Variants in EXOC4 observed in about 807,000 individuals in gnomAD.
EXOC4 encodes SEC8-like 1.
A neutral mutation model predicts 107.2 loss-of-function variants in EXOC4; 71 were observed. That is an observed-to-expected ratio of 0.66 (90% CI 0.55 to 0.81). The LOEUF is 0.81. Ranked by LOEUF, EXOC4 falls within the 30% of genes least tolerant of loss-of-function variation. The pLI, the probability that EXOC4 is intolerant of heterozygous loss-of-function variation, is 0.00. For synonymous variants in EXOC4, 456 were observed against 441.2 expected, an observed-to-expected ratio of 1.03 and a Z score of -0.42; for missense variants, 1,108 against 1,189.6, an observed-to-expected ratio of 0.93 and a Z score of 1.01.
At chr7:133,378,695 C>T (rs1175060616) in intron 7 of EXOC4, among the ~76,000 whole-genome samples, 1 of 151,714 alleles carries the variant, frequency 6.6e-6, no homozygotes, top group Non-Finnish European at 1.5e-5. Flanking sequence ...CATTAAAATT[C>T]TAAGATAGAT....
rs560635129 is a variant in EXOC4 at position 133,753,004 on chromosome 7, C to T, written c.1515-64321C>T. Reference sequence around the variant, plus strand: ...TAGGCAAAGCTGGTTCATTTGTCTTCCTTTCTCTGTTATTTGATCACTTCC... The same window carrying T: ...TAGGCAAAGCTGGTTCATTTGTCTTTCTTTCTCTGTTATTTGATCACTTCC... On this transcript the variant is annotated intron_variant, in intron 10 of 17. Transcript: ENST00000253861. 2.6e-5 allele frequency among the ~76,000 whole-genome samples: 4 copies of T among 152,298 alleles called. No individual in the cohort carries two copies. The South Asian group carries it at 8.3e-4, about 32-fold the overall frequency.
Position 133,880,981 on chromosome 7 carries a change from T to C in EXOC4, c.1735-14618T>C, listed in dbSNP as rs548692969. 6.6e-5 allele frequency among the ~76,000 whole-genome samples: 10 copies of C among 152,350 alleles called. No individual in the cohort carries two copies. In the South Asian group the frequency reaches 1.9e-3, roughly 28 times the overall value. ...CCTGTTTGTAAATTCTGCCTAACTC[T>C]TTAGCCTGACAAACAGAGCTTCAGA... On this transcript the variant is annotated intron_variant, in intron 11 of 17. Transcript: ENST00000253861.
intron 3 of EXOC4, 124 bp downstream of exon 3, chr7:133,289,240 C>A: frequency 2.7e-6 from 2 of 751,206 alleles, no homozygotes; most frequent in Non-Finnish European, 4.2e-6. Context: ...TTCATGAGCC[C>A]TTGAAGGTGA....
chr7:133,584,574 G>GTTTTTTTTTTTTTTTTTTTT lies in EXOC4; in HGVS notation c.1418-45461_1418-45460insTTTTTTTTTTTTTTTTTTTT, dbSNP rs67568218. Among the ~76,000 whole-genome samples the GTTTTTTTTTTTTTTTTTTTT allele has an allele frequency of 3.5e-5, 3 of 84,814 alleles. 1 individual carries two copies. Among genetic ancestry groups the GTTTTTTTTTTTTTTTTTTTT allele is most frequent in the Admixed American group, 1.8e-4 (1 of 5,638 alleles). 55.6% of individuals were successfully genotyped at this position (84,814 alleles called of 152,430 possible). ...AGGCCTTTGTTTTTTACGTATTTCA[G>GTTTTTTTTTTTTTTTTTTTT]TTTTTTTTTTGTTTTTTTTTTTGAG... is the stretch of plus-strand genomic sequence containing the variant. On this transcript the variant is annotated intron_variant, in intron 9 of 17. Transcript: ENST00000253861.
intron 7 of EXOC4, among the ~76,000 whole-genome samples, chr7:133,438,390 C>A (rs1798024450): frequency 6.6e-6 from 1 of 152,098 alleles, no homozygotes; most frequent in African/African-American, 2.4e-5. Flanking sequence ...TTTTTCCTTG[C>A]CATCTTGATT....
rs1794742329 is a variant in EXOC4, at chr7:133,305,890, A to G, written c.485A>G (p.Glu162Gly). Residue 162 changes from glutamate to glycine, a missense_variant, in exon 4 of 18, where the codon GAG (glutamate) becomes GGG (glycine). By Grantham distance (98) the Glu-to-Gly change is moderately conservative (BLOSUM62 -2). Coordinates refer to ENST00000253861, the MANE Select transcript of EXOC4 (RefSeq NM_021807.4). Reference sequence around the variant, plus strand: ...TTCTCTTTTCAGGTGTCAGCAGTTGAGTCTTTGGAGGGCCCCCTGCTCCAG... The same window carrying G: ...TTCTCTTTTCAGGTGTCAGCAGTTGGGTCTTTGGAGGGCCCCCTGCTCCAG... ...SATDMLVSAV[E>G]SLEGPLLQVE... 2.5e-6 allele frequency: 4 copies of G among 1,603,874 alleles called. No homozygotes were observed. Among genetic ancestry groups the G allele is most frequent in the African/African-American group, 2.7e-5 (2 of 74,438 alleles).
At chr7:133,544,397 C>T (rs1800439516) in intron 9 of EXOC4, among the ~76,000 whole-genome samples, 1 of 152,046 alleles carries the variant, frequency 6.6e-6, no homozygotes, top group Non-Finnish European at 1.5e-5. Context: ...TTTATAGTAA[C>T]TTCCACCATT....
At chr7:133,533,285 A>G (rs934448373) in intron 9 of EXOC4, among the ~76,000 whole-genome samples, 1 of 152,256 alleles carries the variant, frequency 6.6e-6, no homozygotes, top group South Asian at 2.1e-4. Context: ...CTGGTATATA[A>G]TATACTTCTC....
intron 1 of EXOC4, among the ~76,000 whole-genome samples, chr7:133,263,828 A>C (rs934670648): frequency 6.6e-6 from 1 of 152,134 alleles, no homozygotes; most frequent in African/African-American, 2.4e-5. Flanking sequence ...AGTATATTAC[A>C]GAAGTGCTAT....
intron 3 of EXOC4, among the ~76,000 whole-genome samples, chr7:133,297,024 G>A (rs1462769912): frequency 6.6e-6 from 1 of 152,148 alleles, no homozygotes; most frequent in African/African-American, 2.4e-5. Context: ...AAAACTTATT[G>A]TCCTTGTCTT....
At chr7:133,944,256 A>G (rs1353522741) in intron 14 of EXOC4, among the ~76,000 whole-genome samples, 4 of 152,216 alleles carry the variant, frequency 2.6e-5, no homozygotes, top group East Asian at 1.9e-4. Flanking sequence ...TATCACAGTT[A>G]TCACATATAT....
At chr7:133,896,863 C>T (rs980938595) in intron 12 of EXOC4, among the ~76,000 whole-genome samples, 1 of 74,518 alleles carries the variant, frequency 1.3e-5, no homozygotes, top group Non-Finnish European at 2.4e-5. Context: ...TGGGGTTTCA[C>T]CATGTTGGCC....
intron 7 of EXOC4, among the ~76,000 whole-genome samples, chr7:133,400,293 T>C (rs947339594): frequency 6.6e-6 from 1 of 152,232 alleles, no homozygotes; most frequent in Non-Finnish European, 1.5e-5. Context: ...TCTAATGCAA[T>C]AAGAACCTGA....
At chr7:133,818,368 C>T (rs1797426186) in intron 11 of EXOC4, among the ~76,000 whole-genome samples, 1 of 152,132 alleles carries the variant, frequency 6.6e-6, no homozygotes, top group African/African-American at 2.4e-5. Context: ...TTGAGCTTTT[C>T]AAAGAGAAGT....
chr7:134,070,704 A>T (rs1796262469), downstream of EXOC4, among the ~76,000 whole-genome samples: 1 of 152,146 alleles, frequency 6.6e-6, no homozygotes, highest in South Asian at 2.1e-4. Context: ...CTGGGAACCT[A>T]AGAACGCAAT....
At chr7:133,506,163 G>C (rs144274541) in intron 9 of EXOC4, among the ~76,000 whole-genome samples, 144 of 152,232 alleles carry the variant, frequency 9.5e-4, no homozygotes, top group African/African-American at 3.2e-3. Context: ...TAGAATACCT[G>C]AATAAATTAG....
At chr7:133,574,591 G>C (rs888372266) in intron 9 of EXOC4, among the ~76,000 whole-genome samples, 7 of 152,286 alleles carry the variant, frequency 4.6e-5, no homozygotes, top group African/African-American at 1.7e-4. Flanking sequence ...TTGCTGAGCT[G>C]CAACCACTGA....
At chr7:133,711,745 G>T in intron 10 of EXOC4, among the ~76,000 whole-genome samples, 1 of 152,156 alleles carries the variant, frequency 6.6e-6, no homozygotes, top group Middle Eastern at 3.2e-3. Context: ...AATCATTTAG[G>T]AGATTTCCTG....
At chr7:133,795,071 G>A (rs1394396682) in intron 10 of EXOC4, among the ~76,000 whole-genome samples, 3 of 151,030 alleles carry the variant, frequency 2.0e-5, no homozygotes, top group African/African-American at 7.3e-5. Flanking sequence ...ACTATACAAA[G>A]AACTTTTTTT....
Sources: allele counts gnomAD v4.1 joint callset (sites outside exome capture counted in the v4.1 genomes callset), GRCh38; gene constraint gnomAD v4.1.1; transcripts MANE v1.5; gene names NCBI Gene and HGNC (gene_info 2026-07-23, HGNC 2026-07-21).